WFDC3: variants seen among roughly 807,000 people sequenced by gnomAD.
WFDC3 encodes the protein WAP four-disulfide core domain protein 3.
Under a neutral mutation model 25.8 loss-of-function variants are expected in WFDC3, and 15 were observed. The ratio of observed to expected loss-of-function variants is 0.58; its 90% CI spans 0.39 to 0.89. The LOEUF is 0.89. Ranked by LOEUF, WFDC3 falls within the 40% of genes least tolerant of loss-of-function variation. WFDC3 has a pLI of 0.00. For missense variants in WFDC3, 264 were observed against 289.8 expected, an observed-to-expected ratio of 0.91 and a Z score of 0.65; for synonymous variants, 103 against 107.1, an observed-to-expected ratio of 0.96 and a Z score of 0.24.
chr20:45,787,066 C>A (rs1301242224), intron 4 of WFDC3, among the ~76,000 whole-genome samples: 14 of 136,452 alleles, frequency 1.0e-4, no homozygotes, highest in African/African-American at 3.3e-4. Context: ...TGCACTCTAG[C>A]CTGGGAGACA....
chr20:45,791,060 C>G (rs1980949205), intron 1 of WFDC3: 1 of 406,028 alleles, frequency 2.5e-6, no homozygotes, highest in Admixed American at 3.0e-5. Context: ...GTAAAACCTC[C>G]TTAATAGGAT....
At chr20:45,774,526 A>G in intron 6 of WFDC3, 82 bp from the exon 7 acceptor site, 1 of 1,601,934 alleles carries the variant, frequency 6.2e-7, no homozygotes, top group Non-Finnish European at 8.5e-7. Context: ...ACCCTAGGAA[A>G]GCTTGGCCTA....
intron 4 of WFDC3, 108 bp from the exon 5 acceptor site, chr20:45,777,317 TA>T: frequency 9.0e-7 from 1 of 1,112,874 alleles, no homozygotes; most frequent in African/African-American, 1.6e-5. Context: ...TATACATATA[TA>T]ATGTAAATAT....
chr20:45,780,063 C>CTTTTTTT (rs3080097), intron 4 of WFDC3, among the ~76,000 whole-genome samples: 1 of 88,580 alleles, frequency 1.1e-5, no homozygotes, highest in African/African-American at 4.0e-5. Flanking sequence ...GCCTTTATAC[C>CTTTTTTT]TTTTTTTTTT....
chr20:45,789,282 G>A lies in WFDC3; in HGVS notation c.83-223C>T, dbSNP rs540182739. Among the ~76,000 whole-genome samples the A allele has an allele frequency of 3.2e-3, 488 of 151,828 alleles. 4 individuals carry two copies. Among genetic ancestry groups the A allele is most frequent in the African/African-American group, 0.011 (458 of 41,384 alleles). ...AGCACTTTGGGAGGCCGAGGCGGGC[G>A]GATCATGAGGTCAGGAGATCGAGAT... On this transcript the variant is annotated intron_variant, in intron 2 of 6. Transcript: ENST00000243938.
intron 4 of WFDC3, chr20:45,778,853 A>T (rs963195719): frequency 1.2e-4 from 2 of 16,958 alleles, no homozygotes; most frequent in African/African-American, 3.4e-4. Flanking sequence ...ATGTAAATGT[A>T]AAAAAAAAAA....
chr20:45,791,876 G>C lies in WFDC3; in HGVS notation c.-52C>G. On this transcript the variant is annotated 5_prime_UTR_variant, in exon 1 of 7. Transcript: ENST00000243938. ...GTCCTGGGCGAGGCGCGGCGGTTCG[G>C]TTCCCATGGTAACCCCGCAGCTCCA... 1 of 629,772 alleles carries C rather than the reference G, an allele frequency of 1.6e-6. No individual in the cohort carries two copies. 39.0% of individuals were successfully genotyped at this position (629,772 alleles called of 1,614,324 possible). A position where few individuals can be genotyped will look rare whatever the true frequency, so the allele number is the denominator to read the frequency against.
At position 45,774,287 on chromosome 20, in the gene WFDC3, G is replaced by T; in HGVS notation, c.*141C>A. The T allele has an allele frequency of 2.6e-6, 3 of 1,151,456 alleles. No individual in the cohort carries two copies. Among genetic ancestry groups the T allele is most frequent in the Non-Finnish European group, 2.6e-6 (2 of 767,320 alleles). 71.3% of individuals were successfully genotyped at this position (1,151,456 alleles called of 1,614,324 possible). ...AATCCAGGGCTATTTCCCATGCTCT[G>T]GTCAGCGGCAGGAGGAGAAGCAGAG... is the stretch of plus-strand genomic sequence containing the variant. On this transcript the variant is annotated 3_prime_UTR_variant, in exon 7 of 7. Transcript: ENST00000243938.
intron 3 of WFDC3, 112 bp from the exon 4 acceptor site, chr20:45,788,094 G>C (rs1053359617): frequency 5.1e-6 from 6 of 1,168,936 alleles, no homozygotes; most frequent in Non-Finnish European, 6.9e-6. Context: ...ACCTGAGGTA[G>C]GGAGTTCGAG....
At chr20:45,777,267 T>C (rs1033468537) in intron 4 of WFDC3, 58 bp from the exon 5 acceptor site, 10 of 1,402,406 alleles carry the variant, frequency 7.1e-6, no homozygotes, top group Non-Finnish European at 9.3e-6. Context: ...ACATTTTTCA[T>C]TGTGTCCCAT....
intron 4 of WFDC3, among the ~76,000 whole-genome samples, chr20:45,777,866 A>C (rs567762354): frequency 1.4e-5 from 2 of 145,158 alleles, no homozygotes; most frequent in Admixed American, 1.4e-4. Flanking sequence ...CTAATTACTA[A>C]ATTGCTTTCA....
At chr20:45,783,393 A>G (rs1980534065) in intron 4 of WFDC3, among the ~76,000 whole-genome samples, 1 of 151,922 alleles carries the variant, frequency 6.6e-6, no homozygotes. Context: ...CAGAAGGATC[A>G]CCTGAGCCCA....
At chr20:45,785,443 TG>T in intron 4 of WFDC3, among the ~76,000 whole-genome samples, 1 of 138,326 alleles carries the variant, frequency 7.2e-6, no homozygotes, top group East Asian at 2.1e-4. Context: ...TACTCCTGCC[TG>T]GGCGACAGCC....
chr20:45,776,660 A>ATATATATATGTGTGTGTGTG (rs762240715), intron 5 of WFDC3, among the ~76,000 whole-genome samples: 3 of 93,314 alleles, frequency 3.2e-5, no homozygotes, highest in South Asian at 8.0e-4. Context: ...ATATATATAT[A>ATATATATATGTGTGTGTGTG]TGTGTGTGTG....
chr20:45,788,887 A>C (rs771400738), intron 3 of WFDC3, 44 bp downstream of exon 3: 2 of 1,573,784 alleles, frequency 1.3e-6, no homozygotes, highest in Non-Finnish European at 1.7e-6. Flanking sequence ...CCCAGAGGCA[A>C]TGTCAGAGAG....
At chr20:45,789,505 C>CA (rs112440465) in intron 2 of WFDC3, among the ~76,000 whole-genome samples, 81,449 of 134,794 alleles carry the variant, frequency 0.6, 24,119 homozygotes, top group Admixed American at 0.69. Context: ...GACTCCATCT[C>CA]AAAAAAAAAA....
chr20:45,779,889 A>ACAGCACCT (rs1398854364), intron 4 of WFDC3: 1 of 152,248 alleles, frequency 6.6e-6, no homozygotes, highest in African/African-American at 2.4e-5. Context: ...CCAGAGGGTC[A>ACAGCACCT]CAGCACCTCG....
chr20:45,789,832 G>C (rs411945), intron 2 of WFDC3, 62 bp downstream of exon 2: 1,055,790 of 1,493,476 alleles, frequency 0.71, 375,230 homozygotes, highest in Admixed American at 0.81. Flanking sequence ...CAGGGGATGA[G>C]TTCTCCTCTC....
At chr20:45,774,567 T>C (rs1980047387) in intron 6 of WFDC3, 123 bp from the exon 7 acceptor site, 1 of 1,289,448 alleles carries the variant, frequency 7.8e-7, no homozygotes, top group Non-Finnish European at 1.1e-6. Context: ...AATAGCTCCT[T>C]GCTTCCCAGA....
Sources: gnomAD v4.1 joint callset for allele counts (sites outside exome capture counted in the v4.1 genomes callset) on GRCh38, gnomAD v4.1.1 for gene constraint, MANE v1.5 for transcripts, NCBI Gene and HGNC (gene_info 2026-07-23, HGNC 2026-07-21) for gene names.